Variants in RRM2 observed in about 807,000 individuals in gnomAD.
The protein encoded by RRM2 is ribonucleotide reductase regulatory subunit M2, also known as ribonucleoside-diphosphate reductase subunit M2.
In RRM2, 6 loss-of-function variants were observed where a neutral mutation model predicts 45.9. That is an observed-to-expected ratio of 0.13 (90% CI 0.07 to 0.26). The LOEUF (loss-of-function observed/expected upper bound fraction) is 0.26, where lower values mean the gene tolerates loss of function less well. Among genes scored for constraint, RRM2 ranks in the 10% least tolerant of loss-of-function variants. The pLI, the probability that RRM2 is intolerant of heterozygous loss-of-function variation, is 1.00. For synonymous variants in RRM2, 177 were observed against 173.0 expected (o/e 1.02, Z -0.18); for missense variants, 343 against 489.5 (o/e 0.70, Z 2.82).
rs963837777 is a variant in RRM2 at position 10,171,205 on chromosome 2, G to A, written n.482+28830G>A. On this transcript the variant is annotated intron_variant and non_coding_transcript_variant, in intron 3 of 3. Transcript: ENST00000381786. The surrounding 1 kb of genome is among the most constrained non-coding windows in gnomAD (Gnocchi z 4.1). ...CATACCCCTCCTCTGCTGGCTGGCA[G>A]CTTGGCCCAGCCTCCTCACTGGTGA... Among the ~76,000 whole-genome samples, 1 of 152,266 alleles carries A rather than the reference G, an allele frequency of 6.6e-6. No homozygotes were observed. The highest frequency in any genetic ancestry group is 2.4e-5 in the African/African-American group (1 of 41,472).
intron 3 of RRM2, among the ~76,000 whole-genome samples, chr2:10,152,640 G>A (rs1195161451): frequency 6.6e-6 from 1 of 151,908 alleles, no homozygotes; most frequent in African/African-American, 2.4e-5. Context: ...CCGCAAGCAT[G>A]TGTGGTTAAT....
chr2:10,124,267 A>C lies in RRM2; in HGVS notation c.435+415A>C, dbSNP rs1008187458. On this transcript the variant is annotated intron_variant, in intron 4 of 9. Transcript: ENST00000304567. Reference sequence around the variant, plus strand: ...ATTACAGACGTGCGCCACCATGCCTAGCTAATATCTGTATTTTTAGTAGAG... The same window carrying C: ...ATTACAGACGTGCGCCACCATGCCTCGCTAATATCTGTATTTTTAGTAGAG... 2.0e-5 allele frequency: 5 copies of C among 252,210 alleles called. No homozygotes were observed. The Admixed American group carries it at 2.6e-4, about 13-fold the overall frequency. 15.6% of individuals were successfully genotyped at this position (252,210 alleles called of 1,614,324 possible).
intron 3 of RRM2, among the ~76,000 whole-genome samples, chr2:10,197,124 C>T (rs1368542681): frequency 6.6e-6 from 1 of 152,246 alleles, no homozygotes; most frequent in Non-Finnish European, 1.5e-5. Context: ...TCTGTACTCA[C>T]ATAACCCAGT....
intron 3 of RRM2, among the ~76,000 whole-genome samples, chr2:10,183,875 G>A (rs962899499): frequency 1.3e-5 from 2 of 151,362 alleles, no homozygotes; most frequent in African/African-American, 4.9e-5. Context: ...GGATCATGAC[G>A]TCAGGAGATC....
chr2:10,203,136 C>T (rs1486730280), intron 3 of RRM2, among the ~76,000 whole-genome samples: 1 of 152,208 alleles, frequency 6.6e-6, no homozygotes, highest in Non-Finnish European at 1.5e-5. Flanking sequence ...GCCAAACACC[C>T]ACCCACATCT....
At chr2:10,188,943 C>A (rs947696016) in intron 3 of RRM2, among the ~76,000 whole-genome samples, 2 of 152,136 alleles carry the variant, frequency 1.3e-5, no homozygotes, top group African/African-American at 4.8e-5. Flanking sequence ...GGCGCCGGCG[C>A]CCCATGTAGC....
rs1664622553 is a variant in RRM2, at chr2:10,204,144, A to C, written n.483-6167A>C. Among the ~76,000 whole-genome samples, 1 of 152,012 alleles carries C rather than the reference A, an allele frequency of 6.6e-6. No homozygotes were observed. Among genetic ancestry groups the C allele is most frequent in the Non-Finnish European group, 1.5e-5 (1 of 68,018 alleles). ...GCATCCCAACTACCATCATTGGGACAGAGCCCCTGTGCTTGAGACAAGCAG... is the reference window on the plus strand; with the variant it reads ...GCATCCCAACTACCATCATTGGGACCGAGCCCCTGTGCTTGAGACAAGCAG... On this transcript the variant is annotated intron_variant and non_coding_transcript_variant, in intron 3 of 3. Coordinates refer to the RRM2 transcript ENST00000381786. The surrounding 1 kb of genome is among the most constrained non-coding windows in gnomAD (Gnocchi z 4.0).
At chr2:10,191,122 G>A (rs1485032904) in intron 3 of RRM2, among the ~76,000 whole-genome samples, 1 of 152,216 alleles carries the variant, frequency 6.6e-6, no homozygotes, top group Non-Finnish European at 1.5e-5. Context: ...CTTTTTCCCA[G>A]ATGTGCTGAG....
At position 10,122,890 on chromosome 2, in the gene RRM2, A is replaced by G. The variant is rs777957541; in HGVS notation, c.92A>G (p.Glu31Gly). ...AAGGGGCTCAGCTTGGTCGACAAGG[A>G]GAACACGGTGAGCCCGCGGGGAGGG... ...PLKGLSLVDK[E>G]NTPPALSGTR... The change falls in exon 1 of 10, where the codon GAG becomes GGG. Residue 31 changes from glutamate to glycine, a missense_variant. Coordinates refer to ENST00000304567, the MANE Select transcript of RRM2 (RefSeq NM_001034.4). 4 of 1,591,068 alleles carry G rather than the reference A, an allele frequency of 2.5e-6. No individual in the cohort carries two copies. Among genetic ancestry groups the G allele is most frequent in the Middle Eastern group, 1.7e-4 (1 of 6,004 alleles).
At chr2:10,154,117 C>T (rs1013734538) in intron 3 of RRM2, among the ~76,000 whole-genome samples, 5 of 152,154 alleles carry the variant, frequency 3.3e-5, no homozygotes, top group Admixed American at 1.3e-4. Flanking sequence ...GTAGTCAACA[C>T]CTAAGTTCCC....
At chr2:10,178,178 G>A (rs1243076180) in intron 3 of RRM2, among the ~76,000 whole-genome samples, 1 of 148,992 alleles carries the variant, frequency 6.7e-6, no homozygotes, top group African/African-American at 2.5e-5. Context: ...TGCCTGCCTC[G>A]GCCTCCCAAA....
At chr2:10,194,877 C>T (rs1164614146) in intron 3 of RRM2, among the ~76,000 whole-genome samples, 7 of 152,198 alleles carry the variant, frequency 4.6e-5, no homozygotes, top group Admixed American at 1.3e-4. Context: ...GGGAAACATG[C>T]GAGTTCCATT....
downstream of RRM2, among the ~76,000 whole-genome samples, chr2:10,133,918 C>A (rs1662946108): frequency 6.6e-6 from 1 of 151,938 alleles, no homozygotes; most frequent in Non-Finnish European, 1.5e-5. Context: ...GTGGCTCGCG[C>A]CTGTAATCCC....
chr2:10,137,497 C>A (rs1210111387), upstream of RRM2, among the ~76,000 whole-genome samples: 1 of 152,224 alleles, frequency 6.6e-6, no homozygotes, highest in East Asian at 1.9e-4. Context: ...AGGGTGGGAT[C>A]CTGTCCATAT....
intron 3 of RRM2, among the ~76,000 whole-genome samples, chr2:10,153,376 C>G (rs1663356967): frequency 6.6e-6 from 1 of 152,074 alleles, no homozygotes; most frequent in African/African-American, 2.4e-5. Context: ...AAGATGTTTT[C>G]TTCTAGGTAC....
intron 3 of RRM2, among the ~76,000 whole-genome samples, chr2:10,179,106 G>A (rs565353561): frequency 3.9e-5 from 6 of 152,262 alleles, no homozygotes; most frequent in Admixed American, 3.9e-4. Flanking sequence ...TTACTGAGTG[G>A]TGTTTCTGGA....
intron 3 of RRM2, among the ~76,000 whole-genome samples, chr2:10,197,583 G>A (rs113036627): frequency 1.9e-4 from 29 of 152,212 alleles, no homozygotes; most frequent in Non-Finnish European, 2.8e-4. Flanking sequence ...CCTGCGGGGC[G>A]GGCACACCTG....
At position 10,130,881 on chromosome 2, in the gene RRM2, C is replaced by G. The variant is rs1465735805; in HGVS notation, c.*1495C>G. On this transcript the variant is annotated 3_prime_UTR_variant, in exon 10 of 10. Transcript: ENST00000304567. ...CTGACCTCAGGTGATCCACCCACCT[C>G]GGCCTCCCAAAGTGCTGGGATTGCA... 1.3e-5 allele frequency: 2 copies of G among 152,114 alleles called. No individual in the cohort carries two copies. Among genetic ancestry groups the G allele is most frequent in the African/African-American group, 4.8e-5 (2 of 41,424 alleles). 9.4% of individuals were successfully genotyped at this position (152,114 alleles called of 1,614,324 possible). A position where few individuals can be genotyped will look rare whatever the true frequency, so the allele number is the denominator to read the frequency against.
intron 2 of RRM2, 36 bp from the exon 3 acceptor site, chr2:10,123,351 C>T (rs1662708686): frequency 6.3e-7 from 1 of 1,578,724 alleles, no homozygotes; most frequent in Non-Finnish European, 8.6e-7. Context: ...ATATGGTTCG[C>T]CCGGTACTTA....
Sources: allele counts gnomAD v4.1 joint callset (sites outside exome capture counted in the v4.1 genomes callset), GRCh38; gene constraint gnomAD v4.1.1; non-coding constraint Gnocchi (gnomAD v3.1); transcripts MANE v1.5; gene names NCBI Gene and HGNC (gene_info 2026-07-23, HGNC 2026-07-21).